The following DYNC2LI1 variants were observed in gnomAD, a reference collection of about 807,000 sequenced individuals.
The protein encoded by DYNC2LI1 is cytoplasmic dynein 2 light intermediate chain 1.
DYNC2LI1 carries 45 observed loss-of-function variants against 51.9 expected under a neutral mutation model. The ratio of observed to expected loss-of-function variants is 0.87; its 90% CI spans 0.68 to 1.11. DYNC2LI1 has a LOEUF of 1.11. DYNC2LI1 is among the 50% of genes most tolerant of loss of function. The pLI, the probability that DYNC2LI1 is intolerant of heterozygous loss-of-function variation, is 0.00. For missense variants in DYNC2LI1, 490 were observed against 417.4 expected (o/e 1.17, Z -1.51); for synonymous variants, 130 against 137.8 (o/e 0.94, Z 0.40).
chr2:43,814,934 T>C (rs766329992), downstream of DYNC2LI1, among the ~76,000 whole-genome samples: 10 of 152,244 alleles, frequency 6.6e-5, no homozygotes. Flanking sequence ...CATAGCACTT[T>C]GTCATTTTTA....
intron 1 of DYNC2LI1, among the ~76,000 whole-genome samples, chr2:43,776,087 C>G (rs568868716): frequency 6.6e-6 from 1 of 151,812 alleles, no homozygotes; most frequent in South Asian, 2.1e-4. Context: ...GCACAACGTG[C>G]AGGTTTGTTA....
At chr2:43,822,715 C>A in the DYNC2LI1 span, 1 of 1,449,704 alleles carries the variant, frequency 6.9e-7, no homozygotes, top group South Asian at 1.5e-5. Flanking sequence ...AGAACTTCAC[C>A]CTGGAGCTCT....
chr2:43,798,800 A>T (rs1039276524), intron 8 of DYNC2LI1, among the ~76,000 whole-genome samples: 9 of 152,204 alleles, frequency 5.9e-5, no homozygotes, highest in Non-Finnish European at 1.5e-5. Flanking sequence ...TTTCAGGAAG[A>T]ATGTAGCCAA....
chr2:43,811,854 A>G (rs1212439941), downstream of DYNC2LI1, among the ~76,000 whole-genome samples: 2 of 152,128 alleles, frequency 1.3e-5, no homozygotes, highest in Non-Finnish European at 2.9e-5. Flanking sequence ...TCGGCCTCCC[A>G]AAGTGCTGGG....
intron 10 of DYNC2LI1, among the ~76,000 whole-genome samples, chr2:43,802,995 T>C (rs1666125225): frequency 6.6e-6 from 1 of 152,072 alleles, no homozygotes. Context: ...ACAGGATAGC[T>C]AAAATAAAAA....
chr2:43,788,356 T>C (rs951738090), intron 4 of DYNC2LI1, among the ~76,000 whole-genome samples: 3 of 152,260 alleles, frequency 2.0e-5, no homozygotes, highest in Non-Finnish European at 4.4e-5. Flanking sequence ...AATCTGTCTC[T>C]TCCAGGCTCA....
intron 2 of DYNC2LI1, among the ~76,000 whole-genome samples, chr2:43,778,693 A>T (rs1673135584): frequency 6.6e-6 from 1 of 152,224 alleles, no homozygotes; most frequent in Non-Finnish European, 1.5e-5. Flanking sequence ...TGACTCCATC[A>T]TACAAATGCT....
rs768152049 is a variant in DYNC2LI1, at chr2:43,795,873, A to C, written c.508-17A>C. 6.2e-6 allele frequency: 10 copies of C among 1,601,454 alleles called. No homozygotes were observed. The South Asian group carries it at 1.1e-4, about 18-fold the overall frequency. ...ATAAAGAATTACAACAACTCAAGGA[A>C]ATATGTTTATTAGCAGGATCATGAA... On this transcript the variant is annotated splice_polypyrimidine_tract_variant and intron_variant, in intron 6 of 12. Transcript: ENST00000260605.
At chr2:43,783,643 C>G (rs781244629) in intron 3 of DYNC2LI1, 89 bp downstream of exon 3, 1 of 742,956 alleles carries the variant, frequency 1.3e-6, no homozygotes. Flanking sequence ...GGAAGGGGAA[C>G]GATTTTGAGA....
At chr2:43,778,347 T>C (rs1673118002) in intron 2 of DYNC2LI1, among the ~76,000 whole-genome samples, 1 of 151,918 alleles carries the variant, frequency 6.6e-6, no homozygotes, top group African/African-American at 2.4e-5. Flanking sequence ...AGAGATGGGG[T>C]TTCACTGCGT....
intron 12 of DYNC2LI1, 71 bp downstream of exon 12, chr2:43,805,317 C>A: frequency 2.2e-6 from 2 of 929,404 alleles, no homozygotes; most frequent in South Asian, 1.5e-5. Context: ...TTGGGAATTC[C>A]TTACATTTTT....
the DYNC2LI1 span, among the ~76,000 whole-genome samples, chr2:43,826,900 CTG>C: frequency 1.3e-5 from 2 of 152,334 alleles, no homozygotes; most frequent in South Asian, 4.1e-4. Context: ...CATTTCATGT[CTG>C]TAACACTTTC....
the DYNC2LI1 span, chr2:43,824,855 C>A: frequency 6.2e-7 from 1 of 1,612,478 alleles, no homozygotes; most frequent in Non-Finnish European, 8.5e-7. Context: ...GTTTAAAAAA[C>A]ATTCATGATG....
the DYNC2LI1 span, chr2:43,827,840 G>T: frequency 1.5e-6 from 2 of 1,306,562 alleles, no homozygotes; most frequent in Admixed American, 2.1e-5. Flanking sequence ...AAAAAAACTG[G>T]GTCCTCAGTT....
chr2:43,798,098 G>T (rs1026045844), intron 8 of DYNC2LI1, among the ~76,000 whole-genome samples: 1 of 150,662 alleles, frequency 6.6e-6, no homozygotes, highest in East Asian at 1.9e-4. Flanking sequence ...CTGCACTCCA[G>T]ACTGGGCTTG....
At chr2:43,776,041 CTT>C (rs1467259370) in intron 1 of DYNC2LI1, among the ~76,000 whole-genome samples, 5 of 151,644 alleles carry the variant, frequency 3.3e-5, no homozygotes, top group African/African-American at 1.2e-4. Context: ...TTTTCTTCTT[CTT>C]CTTTTTTTAT....
At chr2:43,808,810 C>A (rs1045164583) in intron 12 of DYNC2LI1, among the ~76,000 whole-genome samples, 1 of 152,104 alleles carries the variant, frequency 6.6e-6, no homozygotes, top group Non-Finnish European at 1.5e-5. Context: ...TGTGAATGAA[C>A]GCTAATTATT....
rs150237750 is a variant in DYNC2LI1, at chr2:43,790,088, T to G, written c.320+367T>G. 2.7e-3 allele frequency among the ~76,000 whole-genome samples: 414 copies of G among 152,366 alleles called. 3 individuals carry two copies. The highest frequency in any genetic ancestry group is 9.7e-3 in the African/African-American group (402 of 41,578). On this transcript the variant is annotated intron_variant, in intron 5 of 12. Transcript: ENST00000260605. The stretch of plus-strand genomic sequence containing the variant: ...GTATGAGTTAATTCGGCTCTGAGTT[T>G]TTTCTTCAGCTGAGTATTATAAGCT...
intron 8 of DYNC2LI1, among the ~76,000 whole-genome samples, chr2:43,800,128 C>T (rs1352169304): frequency 2.0e-5 from 3 of 152,328 alleles, no homozygotes; most frequent in African/African-American, 7.2e-5. Context: ...CTTTTGGTAT[C>T]TACAGAAATC....
Sources: allele counts gnomAD v4.1 joint callset (sites outside exome capture counted in the v4.1 genomes callset), GRCh38; gene constraint gnomAD v4.1.1; transcripts MANE v1.5; gene names NCBI Gene and HGNC (gene_info 2026-07-23, HGNC 2026-07-21).